Variants in WWC2 observed in about 807,000 individuals in gnomAD.
The protein encoded by WWC2 is protein WWC2.
WWC2 carries 101 observed loss-of-function variants against 138.5 expected under a neutral mutation model. The ratio of observed to expected loss-of-function variants is 0.73; its 90% CI spans 0.62 to 0.86. WWC2 has a LOEUF of 0.86. Among genes scored for constraint, WWC2 ranks in the 40% least tolerant of loss-of-function variants. The probability of loss-of-function intolerance (pLI) is 0.00; values close to 1 mark genes in which losing one functional copy is unlikely to be tolerated. For synonymous variants in WWC2, 558 were observed against 538.4 expected (o/e 1.04, Z -0.50); for missense variants, 1,420 against 1,419.4 (o/e 1.00, Z -0.01).
rs182419904 is a variant in WWC2 at position 183,276,123 on chromosome 4, G to A, written c.2563-4653G>A. On this transcript the variant is annotated intron_variant, in intron 16 of 22. Transcript: ENST00000403733. Reference sequence around the variant, plus strand: ...TTAAAATCTACTTTGTCTGGTGTTAGTAAAGCTACATATCAGCCTTTTTGG... The same window carrying A: ...TTAAAATCTACTTTGTCTGGTGTTAATAAAGCTACATATCAGCCTTTTTGG... Among the ~76,000 whole-genome samples the A allele has an allele frequency of 3.1e-3, 471 of 152,058 alleles. 2 individuals are homozygous for A. Among genetic ancestry groups the A allele is most frequent in the Middle Eastern group, 6.8e-3 (2 of 294 alleles).
rs34933952 is a variant in WWC2 at position 183,318,487 on chromosome 4, G to GT, written c.*2766dup. 108,035 of 149,846 alleles carry GT rather than the reference G, an allele frequency of 0.72. 39,303 individuals carry two copies. The highest frequency in any genetic ancestry group is 0.79 in the Middle Eastern group (232 of 292). The allele number at this position is 149,846 out of a possible 1,614,324, so 9.3% of individuals were successfully genotyped here. A position where few individuals can be genotyped will look rare whatever the true frequency, so the allele number is the denominator to read the frequency against. ...TTTGTGGGTGGAAAAAAATTCAGTGGTTTTTTTTAAAAAAAAAAGCAAAAA... is the reference window on the plus strand; with the variant it reads ...TTTGTGGGTGGAAAAAAATTCAGTGGTTTTTTTTTAAAAAAAAAAGCAAAAA... On this transcript the variant is annotated 3_prime_UTR_variant, in exon 23 of 23. Transcript: ENST00000403733.
At position 183,312,349 on chromosome 4, in the gene WWC2, G is replaced by C. The variant is rs144205270; in HGVS notation, c.3393G>C (p.Gln1131His). ...TTTATTCCCTTTTCCAGGCTGAACA[G>C]TCCAAAGAAGAGCAGAAGCAAGGTC... ...LLKQAEKQAE[Q>H]SKEEQKQGLN... is the part of the protein sequence containing the mutation. The change falls in exon 22 of 23, where the codon CAG becomes CAC. Residue 1131 changes from glutamine (Q) to histidine (H), a missense_variant. Coordinates refer to ENST00000403733, the MANE Select transcript of WWC2 (RefSeq NM_024949.6). The C allele has an allele frequency of 7.9e-4, 1,268 of 1,613,282 alleles. 2 individuals carry two copies. Among genetic ancestry groups the C allele is most frequent in the Non-Finnish European group, 9.9e-4 (1,165 of 1,179,482 alleles).
intron 2 of WWC2, among the ~76,000 whole-genome samples, chr4:183,196,226 TCA>T (rs754034896): frequency 3.3e-5 from 5 of 152,156 alleles, no homozygotes; most frequent in Non-Finnish European, 7.3e-5. Context: ...CATAAATTAC[TCA>T]GTCTCAGGTA....
chr4:183,154,342 G>A (rs1466345270), intron 1 of WWC2, among the ~76,000 whole-genome samples: 2 of 152,142 alleles, frequency 1.3e-5, no homozygotes, highest in Non-Finnish European at 2.9e-5. Context: ...CTTATTATGA[G>A]CATCCAGCGA....
At chr4:183,258,488 C>T (rs889138152) in intron 9 of WWC2, among the ~76,000 whole-genome samples, 4 of 152,178 alleles carry the variant, frequency 2.6e-5, no homozygotes, top group African/African-American at 9.7e-5. Context: ...ACATATATAA[C>T]ATTTCAAAGA....
chr4:183,319,954 C>T lies in WWC2; in HGVS notation c.*4225C>T. On this transcript the variant is annotated 3_prime_UTR_variant, in exon 23 of 23. Transcript: ENST00000403733. The stretch of plus-strand genomic sequence containing the variant: ...ACCAGCAGGCCCAGAAATCCCAGCC[C>T]ATTTGACAGAAACATTAAGATCCTG... The T allele has an allele frequency of 6.2e-7, 1 of 1,613,520 alleles. No individual in the cohort carries two copies. The highest frequency in any genetic ancestry group is 8.5e-7 in the Non-Finnish European group (1 of 1,179,634).
chr4:183,208,218 C>G lies in WWC2; in HGVS notation c.445+62C>G, dbSNP rs1735498183. ...AGACTGAATTGTAGATAACAGAAGA[C>G]CACTTACATTTCTATGGAGTTTAAT... On this transcript the variant is annotated intron_variant, in intron 3 of 22. Transcript: ENST00000403733. The G allele has an allele frequency of 3.3e-6, 5 of 1,533,338 alleles. No homozygotes were observed. In the South Asian group the frequency reaches 6.0e-5, roughly 18 times the overall value. The allele number at this position is 1,533,338 out of a possible 1,614,324, so 95.0% of individuals were successfully genotyped here. A position where few individuals can be genotyped will look rare whatever the true frequency, so the allele number is the denominator to read the frequency against.
Position 183,268,974 on chromosome 4 carries a change from T to C in WWC2, c.2211T>C (p.Tyr737=), listed in dbSNP as rs140933401. The part of the protein sequence containing the change: ...AFLIPHTSKV[Y]FRVAVLPSST... ...ATTTTATTCTTGTTCTTTGCAGATA[T>C]TTTAGGGTTGCCGTTCTTCCTTCCT... is the stretch of plus-strand genomic sequence containing the variant. The change falls in exon 15 of 23, where the codon TAT becomes TAC. Residue 737 remains tyrosine, a synonymous_variant. Coordinates refer to ENST00000403733, the MANE Select transcript of WWC2 (RefSeq NM_024949.6). The C allele has an allele frequency of 2.5e-6, 4 of 1,611,096 alleles. No individual in the cohort carries two copies. Among genetic ancestry groups the C allele is most frequent in the Non-Finnish European group, 3.4e-6 (4 of 1,178,980 alleles).
intron 15 of WWC2, chr4:183,270,142 A>G (rs1737652342): frequency 1.3e-5 from 2 of 152,276 alleles, no homozygotes; most frequent in Admixed American, 6.5e-5. Context: ...AAGCAGAGCT[A>G]ACAGACTCGT....
rs1282290389 is a variant in WWC2 at position 183,289,578 on chromosome 4, A to G, written c.3327A>G (p.Pro1109=). Residue 1109 remains proline, a synonymous_variant, in exon 21 of 23, where the codon CCA becomes CCG. Coordinates refer to ENST00000403733, the MANE Select transcript of WWC2 (RefSeq NM_024949.6). The stretch of plus-strand genomic sequence containing the variant: ...AAGCTCAGGGAGAGACTGACCTTCC[A>G]CCAGGCGTGCTGGAGGATGAGAGGT... The part of the protein sequence containing the change: ...ELKAQGETDL[P]PGVLEDERFQ... The G allele has an allele frequency of 6.2e-7, 1 of 1,613,876 alleles. No homozygotes were observed. Among genetic ancestry groups the G allele is most frequent in the South Asian group, 1.1e-5 (1 of 91,074 alleles).
chr4:183,131,144 A>C (rs1732913316), intron 1 of WWC2, among the ~76,000 whole-genome samples: 1 of 152,200 alleles, frequency 6.6e-6, no homozygotes, highest in Non-Finnish European at 1.5e-5. Flanking sequence ...TTTTTAACAA[A>C]TGGTATTGGC....
In WWC2 at chr4:183,265,100, G is replaced by A. The variant is rs767950447; in HGVS notation, c.2032G>A (p.Val678Met). 1.1e-5 allele frequency: 17 copies of A among 1,607,018 alleles called. No individual in the cohort carries two copies. The highest frequency in any genetic ancestry group is 1.7e-5 in the Admixed American group (1 of 59,214). The change falls in exon 12 of 23, where the codon GTG becomes ATG. Residue 678 changes from valine (V) to methionine (M), a missense_variant. Physicochemically the swap from Val to Met is conservative, Grantham distance 21. Coordinates refer to ENST00000403733, the MANE Select transcript of WWC2 (RefSeq NM_024949.6). ...AGACAGTGGGGTCTATGAAGCTTTC[G>A]TGAAACAGTAAGGATTCAGCAGGGG... is the stretch of plus-strand genomic sequence containing the variant. ...AGDSGVYEAF[V>M]KQPSEMEDVT...
intron 6 of WWC2, among the ~76,000 whole-genome samples, chr4:183,247,547 T>C (rs1465280553): frequency 1.4e-5 from 2 of 142,290 alleles, no homozygotes; most frequent in Non-Finnish European, 3.0e-5. Flanking sequence ...ATACTATATA[T>C]ATACTGTATA....
At chr4:183,169,411 A>G (rs1580007740) in intron 1 of WWC2, among the ~76,000 whole-genome samples, 2 of 147,632 alleles carry the variant, frequency 1.4e-5, no homozygotes, top group Admixed American at 1.4e-4. Flanking sequence ...AAAGAGCTGT[A>G]ACACGGACTC....
chr4:183,127,232 A>T (rs1220672173), intron 1 of WWC2, among the ~76,000 whole-genome samples: 1 of 152,238 alleles, frequency 6.6e-6, no homozygotes, highest in Non-Finnish European at 1.5e-5. Flanking sequence ...AGAAAAATAG[A>T]TGAATAATCT....
chr4:183,178,816 T>C (rs1580016467), intron 1 of WWC2, among the ~76,000 whole-genome samples: 2 of 152,194 alleles, frequency 1.3e-5, no homozygotes, highest in East Asian at 3.9e-4. Flanking sequence ...GGCTAAGGCA[T>C]CATGGCCCCA....
chr4:183,275,319 C>T (rs965193008), intron 16 of WWC2, among the ~76,000 whole-genome samples: 1 of 151,832 alleles, frequency 6.6e-6, no homozygotes. Context: ...TGCCTATTTG[C>T]CCTGGCTAGA....
intron 1 of WWC2, among the ~76,000 whole-genome samples, chr4:183,102,175 T>G (rs1252134501): frequency 6.6e-6 from 1 of 152,240 alleles, no homozygotes; most frequent in Admixed American, 6.5e-5. Flanking sequence ...TGACTAAGTT[T>G]ACGTGAGTTT....
At chr4:183,238,270 C>T (rs560902742) in intron 4 of WWC2, among the ~76,000 whole-genome samples, 1 of 152,284 alleles carries the variant, frequency 6.6e-6, no homozygotes, top group African/African-American at 2.4e-5. Flanking sequence ...TTTCCCACAC[C>T]CTCCACGTTG....
Sources: allele counts gnomAD v4.1 joint callset (sites outside exome capture counted in the v4.1 genomes callset), GRCh38; gene constraint gnomAD v4.1.1; transcripts MANE v1.5; gene names NCBI Gene and HGNC (gene_info 2026-07-23, HGNC 2026-07-21).